CALN1: variants seen among roughly 807,000 people sequenced by gnomAD.
CALN1 encodes calneuron 1, also known as calcium-binding protein 8.
Under a neutral mutation model 30.6 loss-of-function variants are expected in CALN1, and 17 were observed. The observed-to-expected ratio is 0.56, with a 90% confidence interval of 0.38 to 0.83. The LOEUF (loss-of-function observed/expected upper bound fraction) is 0.83, where lower values mean the gene tolerates loss of function less well. CALN1 is among the 40% of genes least tolerant of loss of function. CALN1 has a pLI of 0.00. For synonymous variants in CALN1, 156 were observed against 131.4 expected (o/e 1.19, Z -1.28); for missense variants, 291 against 354.9 (o/e 0.82, Z 1.45).
chr7:72,487,880 G>GAAAGA, the CALN1 span, among the ~76,000 whole-genome samples: 12 of 58,576 alleles, frequency 2.0e-4, no homozygotes, highest in Non-Finnish European at 3.4e-4. Context: ...AAGAAAGAAA[G>GAAAGA]AAAGAAAAGA....
chr7:72,102,487 G>A (rs1340372903), intron 4 of CALN1, among the ~76,000 whole-genome samples: 2 of 152,064 alleles, frequency 1.3e-5, no homozygotes, highest in Non-Finnish European at 2.9e-5. Flanking sequence ...TTTTTCCAGT[G>A]AGGTTGTATG....
At chr7:72,329,867 T>C (rs112748308) in intron 2 of CALN1, among the ~76,000 whole-genome samples, 3 of 152,100 alleles carry the variant, frequency 2.0e-5, no homozygotes, top group African/African-American at 4.8e-5. Flanking sequence ...GGCAGGAGAA[T>C]CGTTTGAATC....
At chr7:72,308,892 A>G (rs1799848940) in intron 2 of CALN1, among the ~76,000 whole-genome samples, 1 of 152,238 alleles carries the variant, frequency 6.6e-6, no homozygotes, top group Non-Finnish European at 1.5e-5. Context: ...CCAAAGGAAA[A>G]TTTTGCATGA....
chr7:72,229,422 C>G (rs374990048), intron 3 of CALN1, among the ~76,000 whole-genome samples: 13 of 151,956 alleles, frequency 8.6e-5, no homozygotes, highest in African/African-American at 3.1e-4. Context: ...CCCAACAATC[C>G]TATTACTGGG....
chr7:72,252,152 T>G (rs1436066748), intron 3 of CALN1, among the ~76,000 whole-genome samples: 2 of 152,134 alleles, frequency 1.3e-5, no homozygotes, highest in Admixed American at 1.3e-4. Flanking sequence ...GCTCCTGGAC[T>G]TTCTTTCTCC....
At chr7:72,026,254 A>G (rs1306984756) in intron 4 of CALN1, among the ~76,000 whole-genome samples, 2 of 152,132 alleles carry the variant, frequency 1.3e-5, no homozygotes, top group Non-Finnish European at 2.9e-5. Context: ...AAGATCCTGT[A>G]AAGTGCTGTT....
At chr7:71,817,565 G>A (rs562062784) in intron 5 of CALN1, among the ~76,000 whole-genome samples, 4 of 152,292 alleles carry the variant, frequency 2.6e-5, no homozygotes, top group African/African-American at 9.6e-5. Flanking sequence ...GCCCAGGCTG[G>A]AGTGCAGTGG....
At chr7:72,472,942 G>A in the CALN1 span, among the ~76,000 whole-genome samples, 27 of 152,168 alleles carry the variant, frequency 1.8e-4, no homozygotes, top group Admixed American at 5.9e-4. Context: ...GGCAAGGGGC[G>A]GGAGGCAGAT....
chr7:71,915,196 C>G (rs1287647521), intron 5 of CALN1, among the ~76,000 whole-genome samples: 1 of 152,156 alleles, frequency 6.6e-6, no homozygotes, highest in African/African-American at 2.4e-5. Context: ...CTTAGGGGGC[C>G]AAGGTCTCCA....
At chr7:72,387,232 GA>G (rs1805269505) in intron 2 of CALN1, among the ~76,000 whole-genome samples, 1 of 93,824 alleles carries the variant, frequency 1.1e-5, no homozygotes, top group Non-Finnish European at 2.1e-5. Context: ...GGAAGGAAGG[GA>G]AGGGAGGGGA....
chr7:72,039,115 T>C (rs909748304), intron 4 of CALN1, among the ~76,000 whole-genome samples: 1 of 152,204 alleles, frequency 6.6e-6, no homozygotes, highest in African/African-American at 2.4e-5. Context: ...TTAAATATCT[T>C]TTCACAATTT....
intron 3 of CALN1, among the ~76,000 whole-genome samples, chr7:72,186,946 A>G (rs1258458327): frequency 9.4e-6 from 1 of 106,854 alleles, no homozygotes; most frequent in Non-Finnish European, 1.8e-5. Flanking sequence ...TTATATCAGC[A>G]TTTTCTAAAC....
chr7:72,282,814 G>C (rs1317721662), intron 2 of CALN1, among the ~76,000 whole-genome samples: 1 of 152,188 alleles, frequency 6.6e-6, no homozygotes, highest in African/African-American at 2.4e-5. Flanking sequence ...AGAACTTTGA[G>C]AGGTTAAGGC....
chr7:72,160,023 T>C (rs899342749), intron 3 of CALN1, among the ~76,000 whole-genome samples: 1 of 152,004 alleles, frequency 6.6e-6, no homozygotes, highest in African/African-American at 2.4e-5. Context: ...TGAAGGCAGG[T>C]GAGAACAGAC....
chr7:72,356,257 G>A (rs930262526), intron 2 of CALN1, among the ~76,000 whole-genome samples: 1 of 150,070 alleles, frequency 6.7e-6, no homozygotes, highest in East Asian at 1.9e-4. Flanking sequence ...AAGGAGCACT[G>A]GAAATACCAA....
intron 3 of CALN1, among the ~76,000 whole-genome samples, chr7:72,111,157 A>G (rs1439227979): frequency 6.6e-6 from 1 of 152,226 alleles, no homozygotes; most frequent in East Asian, 1.9e-4. Context: ...AGACACTAGT[A>G]TGCCAATTTT....
At chr7:72,501,908 CA>C in the CALN1 span, among the ~76,000 whole-genome samples, 808 of 24,714 alleles carry the variant, frequency 0.033, 9 homozygotes, top group Middle Eastern at 0.17. Flanking sequence ...GATTTCGTCT[CA>C]AAAAAAAAAA....
chr7:72,334,253 C>CCCCT (rs1562897765), intron 2 of CALN1, among the ~76,000 whole-genome samples: 1 of 152,144 alleles, frequency 6.6e-6, no homozygotes, highest in African/African-American at 2.4e-5. Context: ...GAACCAGTGC[C>CCCCT]CCCTTCTGAC....
chr7:71,828,632 G>C (rs11981485), intron 5 of CALN1, among the ~76,000 whole-genome samples: 4,480 of 149,636 alleles, frequency 0.03, 238 homozygotes, highest in African/African-American at 0.1. Context: ...CTGCCTTTCT[G>C]AACAGAACCA....
Sources: gnomAD v4.1 joint callset for allele counts (sites outside exome capture counted in the v4.1 genomes callset) on GRCh38, gnomAD v4.1.1 for gene constraint, MANE v1.5 for transcripts, NCBI Gene and HGNC (gene_info 2026-07-23, HGNC 2026-07-21) for gene names.